The following FUT8 variants were observed in gnomAD, a reference collection of about 807,000 sequenced individuals.
FUT8 encodes alpha-(1,6)-fucosyltransferase.
A neutral mutation model predicts 71.3 loss-of-function variants in FUT8; 29 were observed. That is an observed-to-expected ratio of 0.41 (90% CI 0.30 to 0.55). FUT8 has a LOEUF of 0.55. FUT8 is among the 20% of genes least tolerant of loss of function. The pLI is 0.34. For missense variants in FUT8, 544 were observed against 702.1 expected (o/e 0.77, Z 2.55); for synonymous variants, 254 against 239.3 (o/e 1.06, Z -0.57).
chr14:65,654,802 C>A (rs1173920309), intron 6 of FUT8, among the ~76,000 whole-genome samples: 2 of 151,490 alleles, frequency 1.3e-5, no homozygotes, highest in South Asian at 2.1e-4. Flanking sequence ...CCCAACATGT[C>A]AATAATTGCA....
chr14:65,497,193 A>G (rs1323622480), intron 2 of FUT8, among the ~76,000 whole-genome samples: 2 of 152,226 alleles, frequency 1.3e-5, no homozygotes, highest in South Asian at 2.1e-4. Flanking sequence ...TACTTTTTCT[A>G]TATGTTGATT....
chr14:65,527,289 C>G (rs1237344094), intron 2 of FUT8, among the ~76,000 whole-genome samples: 1 of 152,154 alleles, frequency 6.6e-6, no homozygotes. Flanking sequence ...GTCTAAACTT[C>G]TCTTCTCACT....
intron 2 of FUT8, among the ~76,000 whole-genome samples, chr14:65,478,563 T>A (rs1189129727): frequency 1.3e-5 from 2 of 152,186 alleles, no homozygotes; most frequent in Non-Finnish European, 2.9e-5. Context: ...AATTTTGAGA[T>A]GGTAACTAGA....
chr14:65,590,376 G>A (rs973632606), intron 3 of FUT8, among the ~76,000 whole-genome samples: 2 of 152,198 alleles, frequency 1.3e-5, no homozygotes, highest in Non-Finnish European at 2.9e-5. Flanking sequence ...GGAAGGGGAT[G>A]AGTTTATGCT....
chr14:65,561,839 C>T, intron 3 of FUT8, 73 bp downstream of exon 3: 1 of 1,209,970 alleles, frequency 8.3e-7, no homozygotes, highest in African/African-American at 1.5e-5. Context: ...CTTCATTCCG[C>T]TAGGAAAAAT....
intron 2 of FUT8, among the ~76,000 whole-genome samples, chr14:65,463,897 G>A (rs2139595341): frequency 6.6e-6 from 1 of 152,260 alleles, no homozygotes. Flanking sequence ...TCACTTTTAT[G>A]GTGTATAGTC....
chr14:65,607,365 C>T lies in FUT8; in HGVS notation c.204-8613C>T, dbSNP rs1412976911. 6.6e-6 allele frequency among the ~76,000 whole-genome samples: 1 copy of T among 151,820 alleles called. No homozygotes were observed. Among genetic ancestry groups the T allele is most frequent in the African/African-American group, 2.4e-5 (1 of 41,388 alleles). ...TTCCTTACTGAATTAAAGAGTTTAC[C>T]TTCCATTCATTCTTTCTTGTTAAGG... On this transcript the variant is annotated intron_variant, in intron 3 of 10. Transcript: ENST00000673929. The surrounding 1 kb of genome is among the most constrained non-coding windows in gnomAD (Gnocchi z 4.1).
chr14:65,593,671 G>T (rs1887811468), intron 3 of FUT8, among the ~76,000 whole-genome samples: 1 of 152,080 alleles, frequency 6.6e-6, no homozygotes. Flanking sequence ...TGCCTCCTGG[G>T]TTCAAGAGAT....
the FUT8 span, among the ~76,000 whole-genome samples, chr14:65,358,297 C>T: frequency 6.6e-6 from 1 of 151,712 alleles, no homozygotes; most frequent in African/African-American, 2.4e-5. Context: ...ACATTGTATC[C>T]CATAAATATG....
rs190728333 is a variant in FUT8 at position 65,552,475 on chromosome 14, T to C, written c.-227-8862T>C. On this transcript the variant is annotated intron_variant, in intron 2 of 10. Transcript: ENST00000673929. ...TCTTCCAGTTGCTTTCCATTATAAATGTTGATAAGAACCATGCTGCATATT... is the reference window on the plus strand; with the variant it reads ...TCTTCCAGTTGCTTTCCATTATAAACGTTGATAAGAACCATGCTGCATATT... Among the ~76,000 whole-genome samples, 435 of 152,322 alleles carry C rather than the reference T, an allele frequency of 2.9e-3. 3 individuals are homozygous for C. Among genetic ancestry groups the C allele is most frequent in the African/African-American group, 1.0e-2 (414 of 41,576 alleles).
chr14:65,693,851 A>T (rs1243234674), intron 7 of FUT8, among the ~76,000 whole-genome samples: 1 of 152,180 alleles, frequency 6.6e-6, no homozygotes, highest in African/African-American at 2.4e-5. Context: ...ATTATTGTTT[A>T]TTCTATTTCT....
intron 7 of FUT8, among the ~76,000 whole-genome samples, chr14:65,709,235 C>T (rs150573394): frequency 9.2e-5 from 14 of 152,106 alleles, no homozygotes; most frequent in African/African-American, 3.1e-4. Context: ...TGATCTTGGC[C>T]GTTTTATTAA....
At chr14:65,738,585 G>T (rs1896338859) in intron 10 of FUT8, among the ~76,000 whole-genome samples, 1 of 152,024 alleles carries the variant, frequency 6.6e-6, no homozygotes, top group African/African-American at 2.4e-5. Flanking sequence ...GCAAACCATG[G>T]ACTGCTCTCA....
chr14:65,522,224 C>T (rs905177929), intron 2 of FUT8, among the ~76,000 whole-genome samples: 3 of 152,186 alleles, frequency 2.0e-5, no homozygotes, highest in Admixed American at 1.3e-4. Context: ...TTTTCTCCCT[C>T]TCCCGACTTT....
chr14:65,578,766 A>G (rs1323377515), intron 3 of FUT8, among the ~76,000 whole-genome samples: 2 of 152,164 alleles, frequency 1.3e-5, no homozygotes, highest in Non-Finnish European at 2.9e-5. Context: ...AGATTTCAAT[A>G]TATGTATTAG....
chr14:65,730,400 G>A (rs535077361), intron 9 of FUT8, among the ~76,000 whole-genome samples: 5 of 152,282 alleles, frequency 3.3e-5, no homozygotes, highest in East Asian at 3.9e-4. Context: ...CCGACCGGAC[G>A]CAGTGGCTCA....
At chr14:65,593,864 C>CTGCTCCCGGCCTAAGATGTGCTTTCTAA (rs1887822877) in intron 3 of FUT8, among the ~76,000 whole-genome samples, 1 of 152,202 alleles carries the variant, frequency 6.6e-6, no homozygotes, top group South Asian at 2.1e-4. Context: ...GCATGCACCA[C>CTGCTCCCGGCCTAAGATGTGCTTTCTAA]CACACCTGGC....
intron 7 of FUT8, among the ~76,000 whole-genome samples, chr14:65,674,113 GATAT>G (rs1892602124): frequency 6.6e-6 from 1 of 152,002 alleles, no homozygotes; most frequent in Non-Finnish European, 1.5e-5. Flanking sequence ...AGAATATATA[GATAT>G]AATATACATA....
At chr14:65,696,041 C>T (rs756478788) in intron 7 of FUT8, among the ~76,000 whole-genome samples, 2 of 152,058 alleles carry the variant, frequency 1.3e-5, no homozygotes, top group African/African-American at 2.4e-5. Flanking sequence ...CCTAATTTCT[C>T]TCTCCCATCC....
Sources: allele counts gnomAD v4.1 joint callset (sites outside exome capture counted in the v4.1 genomes callset), GRCh38; gene constraint gnomAD v4.1.1; non-coding constraint Gnocchi (gnomAD v3.1); transcripts MANE v1.5; gene names NCBI Gene and HGNC (gene_info 2026-07-23, HGNC 2026-07-21).